PCDHA7: variants seen among roughly 807,000 people sequenced by gnomAD.
PCDHA7 encodes the protein protocadherin alpha-7.
A neutral mutation model predicts 57.2 loss-of-function variants in PCDHA7; 37 were observed. The ratio of observed to expected loss-of-function variants is 0.65; its 90% confidence interval spans 0.50 to 0.85. The LOEUF (loss-of-function observed/expected upper bound fraction) is 0.85. PCDHA7 is among the 40% of genes least tolerant of loss of function. The pLI is 0.00. For missense variants in PCDHA7, 1,188 were observed against 1,241.8 expected (o/e 0.96, Z 0.65); for synonymous variants, 553 against 558.8 (o/e 0.99, Z 0.15).
chr5:140,872,662 A>G (rs1554166315), intron 1 of PCDHA7, among the ~76,000 whole-genome samples: 2 of 152,132 alleles, frequency 1.3e-5, no homozygotes, highest in Admixed American at 1.3e-4. Context: ...TTTGTCAACT[A>G]TTGGATACTC....
At chr5:140,927,400 C>G (rs782428365) in intron 1 of PCDHA7, 11 of 1,614,126 alleles carry the variant, frequency 6.8e-6, no homozygotes, top group Non-Finnish European at 8.5e-6. Flanking sequence ...TCAGCACTTT[C>G]GCCTGGACAT....
Position 141,009,759 on chromosome 5 carries a change from GATCTCCTGCAATCATCTCC to G in PCDHA7, c.2640_2658del (p.Pro881GlyfsTer15). 6.2e-7 allele frequency: 1 copy of G among 1,614,082 alleles called. No individual in the cohort carries two copies. The highest frequency in any genetic ancestry group is 8.5e-7 in the Non-Finnish European group (1 of 1,180,014). On this transcript the variant is annotated frameshift_variant, in exon 4 of 4. Transcript: ENST00000525929. LOFTEE classifies it high-confidence loss of function. Reference sequence around the variant, plus strand: ...TTGCCCGACAAATTCATTATCCCAGGATCTCCTGCAATCATCTCCATCCGGCAGGAGCCTACTAACAGCC... The same window carrying G: ...TTGCCCGACAAATTCATTATCCCAGGATCCGGCAGGAGCCTACTAACAGCC...
At chr5:140,923,185 A>G (rs536691139) in intron 1 of PCDHA7, among the ~76,000 whole-genome samples, 1 of 152,324 alleles carries the variant, frequency 6.6e-6, no homozygotes, top group East Asian at 1.9e-4. Flanking sequence ...AGATGCATCT[A>G]CTGCAGCAAT....
chr5:140,914,724 G>A (rs923867157), intron 1 of PCDHA7, among the ~76,000 whole-genome samples: 1 of 150,732 alleles, frequency 6.6e-6, no homozygotes, highest in Non-Finnish European at 1.5e-5. Flanking sequence ...TTTATTTTTT[G>A]TGTATCCATT....
rs1554140048 is a variant in PCDHA7, at chr5:140,843,414, T to G, written c.2355+6676T>G. 6 of 1,596,080 alleles carry G rather than the reference T, an allele frequency of 3.8e-6. 1 individual carries two copies. Among genetic ancestry groups the G allele is most frequent in the South Asian group, 1.1e-5 (1 of 90,504 alleles). On this transcript the variant is annotated intron_variant, in intron 1 of 3. Coordinates refer to ENST00000525929, the MANE Select transcript of PCDHA7 (RefSeq NM_018910.3). The stretch of plus-strand genomic sequence containing the variant: ...GAAGCGGCGCTGGTGGATGTCAACG[T>G]GTACCTGATCATCGCCATCTGCGCG...
intron 1 of PCDHA7, chr5:140,882,142 G>T: frequency 1.3e-6 from 2 of 1,488,266 alleles, no homozygotes; most frequent in Non-Finnish European, 1.8e-6. Flanking sequence ...AGAAAATATA[G>T]CAGAAAGCGG....
rs782188760 is a variant in PCDHA7, at chr5:140,877,108, G to A, written c.2355+40370G>A. 2.5e-5 allele frequency: 41 copies of A among 1,613,540 alleles called. No individual in the cohort carries two copies. Among genetic ancestry groups the A allele is most frequent in the South Asian group, 1.1e-4 (10 of 91,052 alleles). ...GCGCGACGCCGGCGTGCCGCCTCTG[G>A]GCAGCAACGTGACGCTGCAGGTGTT... On this transcript the variant is annotated intron_variant, in intron 1 of 3. Transcript: ENST00000525929.
chr5:140,882,748 A>G (rs1562779294), intron 1 of PCDHA7: 1 of 1,614,258 alleles, frequency 6.2e-7, no homozygotes, highest in Non-Finnish European at 8.5e-7. Flanking sequence ...CATCCGATGC[A>G]GATATTGGAG....
At chr5:140,927,808 T>C (rs782535814) in intron 1 of PCDHA7, 116 of 1,614,090 alleles carry the variant, frequency 7.2e-5, no homozygotes, top group Non-Finnish European at 9.6e-5. Context: ...TGAAACGCTC[T>C]TGGAGGCATA....
At chr5:141,001,473 G>A (rs1172395730) in intron 3 of PCDHA7, among the ~76,000 whole-genome samples, 1 of 152,220 alleles carries the variant, frequency 6.6e-6, no homozygotes, top group African/African-American at 2.4e-5. Flanking sequence ...AAGCAGCAGC[G>A]GGGAAGTGCT....
intron 3 of PCDHA7, among the ~76,000 whole-genome samples, chr5:140,985,577 G>GC (rs1195077647): frequency 6.6e-6 from 1 of 152,116 alleles, no homozygotes; most frequent in Non-Finnish European, 1.5e-5. Flanking sequence ...TGGTGCCTAA[G>GC]CCTCCTTATA....
intron 3 of PCDHA7, among the ~76,000 whole-genome samples, chr5:140,985,509 T>C (rs6886977): frequency 1.5e-3 from 223 of 152,280 alleles, no homozygotes; most frequent in African/African-American, 4.4e-3. Context: ...CTTTCATTGA[T>C]TCTGTTGCCC....
chr5:140,858,565 T>C (rs782424378), intron 1 of PCDHA7: 1 of 1,375,216 alleles, frequency 7.3e-7, no homozygotes, highest in South Asian at 1.3e-5. Flanking sequence ...ATATTTCTAG[T>C]GATACCTTTG....
At chr5:140,971,434 A>T (rs1243393478) in intron 1 of PCDHA7, among the ~76,000 whole-genome samples, 1 of 152,188 alleles carries the variant, frequency 6.6e-6, no homozygotes, top group Non-Finnish European at 1.5e-5. Flanking sequence ...GAACCCCAAG[A>T]TCTACAGCTC....
rs562972971 is a variant in PCDHA7, at chr5:140,960,395, A to AG, written c.2356-18547dup. 1.1e-4 allele frequency among the ~76,000 whole-genome samples: 17 copies of AG among 152,266 alleles called. No individual in the cohort carries two copies. The Middle Eastern group carries it at 0.014, about 123-fold the overall frequency. ...TTAAGTGCCAAGACATTAGGATGCAAGGGGGGGTGCCCAAAAAGTCAACAA... is the reference window on the plus strand; with the variant it reads ...TTAAGTGCCAAGACATTAGGATGCAAGGGGGGGGTGCCCAAAAAGTCAACAA... On this transcript the variant is annotated intron_variant, in intron 1 of 3. Coordinates refer to ENST00000525929, the MANE Select transcript of PCDHA7 (RefSeq NM_018910.3).
chr5:140,885,516 T>C (rs1235698672), intron 1 of PCDHA7, among the ~76,000 whole-genome samples: 1 of 152,198 alleles, frequency 6.6e-6, no homozygotes, highest in South Asian at 2.1e-4. Context: ...TGCTGTGCTA[T>C]CATTTCATAT....
In PCDHA7 at chr5:140,870,216, C is replaced by G. The variant is rs1554163914; in HGVS notation, c.2355+33478C>G. On this transcript the variant is annotated intron_variant, in intron 1 of 3. Transcript: ENST00000525929. Reference sequence around the variant, plus strand: ...AGCCCAGCACGGTCATTGCCCTGATCAGCGTGTCTGACCGTGACTCAGGTG... The same window carrying G: ...AGCCCAGCACGGTCATTGCCCTGATGAGCGTGTCTGACCGTGACTCAGGTG... 3 of 1,614,070 alleles carry G rather than the reference C, an allele frequency of 1.9e-6. No homozygotes were observed. Among genetic ancestry groups the G allele is most frequent in the Admixed American group, 3.3e-5 (2 of 60,012 alleles).
At chr5:140,856,750 C>A in intron 1 of PCDHA7, 1 of 1,596,268 alleles carries the variant, frequency 6.3e-7, no homozygotes, top group South Asian at 1.1e-5. Context: ...TGTTAGATGC[C>A]AATGATAACG....
At chr5:140,963,168 T>G (rs1554226465) in intron 1 of PCDHA7, among the ~76,000 whole-genome samples, 1 of 152,160 alleles carries the variant, frequency 6.6e-6, no homozygotes, top group East Asian at 1.9e-4. Flanking sequence ...ACATGCCATC[T>G]TACAGATATG....
Sources: allele counts gnomAD v4.1 joint callset (sites outside exome capture counted in the v4.1 genomes callset), GRCh38; gene constraint gnomAD v4.1.1; transcripts MANE v1.5; gene names NCBI Gene and HGNC (gene_info 2026-07-23, HGNC 2026-07-21).